Variants in CAMKMT observed in about 807,000 individuals in gnomAD.
CAMKMT encodes the protein calmodulin-lysine N-methyltransferase.
Under a neutral mutation model 48.0 loss-of-function variants are expected in CAMKMT, and 53 were observed. That is an observed-to-expected ratio of 1.10 (90% CI 0.89 to 1.39). The LOEUF is 1.39. Ranked by LOEUF, CAMKMT falls within the 40% of genes most tolerant of loss-of-function variation. The pLI is 0.00. For synonymous variants in CAMKMT, 165 were observed against 152.3 expected (o/e 1.08, Z -0.61); for missense variants, 428 against 402.7 (o/e 1.06, Z -0.54).
chr2:44,649,098 A>T (rs6710978), intron 3 of CAMKMT, among the ~76,000 whole-genome samples: 94,515 of 151,940 alleles, frequency 0.62, 30,000 homozygotes, highest in Admixed American at 0.7. Context: ...CTAAATCATG[A>T]TATAAGTGAG....
At position 44,390,228 on chromosome 2, in the gene CAMKMT, T is replaced by C; in HGVS notation, c.312-13T>C. ...TTCAGAATCATTAAAGCAAACGCTT[T>C]ACTCCTTTCTAGGCATAATAGTGGA... is the stretch of plus-strand genomic sequence containing the variant. On this transcript the variant is annotated splice_polypyrimidine_tract_variant and intron_variant, in intron 2 of 10. Coordinates refer to ENST00000378494, the MANE Select transcript of CAMKMT (RefSeq NM_024766.5). 1 of 1,597,024 alleles carries C rather than the reference T, an allele frequency of 6.3e-7. No individual in the cohort carries two copies. The highest frequency in any genetic ancestry group is 1.1e-5 in the South Asian group (1 of 87,948).
rs148411875 is a variant in CAMKMT, at chr2:44,565,661, G to A, written c.377-138622G>A. On this transcript the variant is annotated intron_variant, in intron 3 of 10. Transcript: ENST00000378494. Reference sequence around the variant, plus strand: ...ATGCCTGGATCCTACTCAGAGAATCGGATCTAAGTAACCTGGAGAGTGGTC... The same window carrying A: ...ATGCCTGGATCCTACTCAGAGAATCAGATCTAAGTAACCTGGAGAGTGGTC... Among the ~76,000 whole-genome samples, 23 of 151,668 alleles carry A rather than the reference G, an allele frequency of 1.5e-4. No homozygotes were observed. In the East Asian group the frequency reaches 4.1e-3, roughly 27 times the overall value.
intron 3 of CAMKMT, among the ~76,000 whole-genome samples, chr2:44,417,474 G>T (rs1021270906): frequency 1.2e-4 from 18 of 152,272 alleles, no homozygotes; most frequent in African/African-American, 4.1e-4. Flanking sequence ...CATTCAGGTT[G>T]TTTCCGGTTT....
At chr2:44,524,852 A>G (rs950734508) in intron 3 of CAMKMT, among the ~76,000 whole-genome samples, 3 of 152,148 alleles carry the variant, frequency 2.0e-5, no homozygotes, top group South Asian at 2.1e-4. Flanking sequence ...GAATGGTTAA[A>G]TCATTGAATG....
chr2:44,586,330 T>C (rs952040154), intron 3 of CAMKMT, among the ~76,000 whole-genome samples: 1 of 151,988 alleles, frequency 6.6e-6, no homozygotes, highest in African/African-American at 2.4e-5. Flanking sequence ...TGTATATATA[T>C]ATATATGTTA....
chr2:44,401,011 T>C (rs973447807), intron 3 of CAMKMT: 1 of 150,468 alleles, frequency 6.6e-6, no homozygotes, highest in African/African-American at 2.4e-5. Context: ...GGTTCTTGTT[T>C]ATTTATAGAT....
intron 3 of CAMKMT, among the ~76,000 whole-genome samples, chr2:44,666,060 C>T (rs1674949199): frequency 6.6e-6 from 1 of 152,154 alleles, no homozygotes; most frequent in African/African-American, 2.4e-5. Context: ...AAATCGTTTG[C>T]ATTGAAACTT....
intron 3 of CAMKMT, among the ~76,000 whole-genome samples, chr2:44,399,049 G>C (rs1682117227): frequency 6.6e-6 from 1 of 152,282 alleles, no homozygotes; most frequent in East Asian, 1.9e-4. Context: ...GTATGAGATT[G>C]AAAAGGCGCA....
intron 3 of CAMKMT, among the ~76,000 whole-genome samples, chr2:44,399,188 T>C (rs1682132204): frequency 6.6e-6 from 1 of 152,228 alleles, no homozygotes. Context: ...TCCAGGGTTT[T>C]GAAGATCAGA....
chr2:44,515,155 A>G (rs1670773095), intron 3 of CAMKMT, among the ~76,000 whole-genome samples: 2 of 152,174 alleles, frequency 1.3e-5, no homozygotes, highest in Admixed American at 6.5e-5. Flanking sequence ...TATTAGCTAC[A>G]GAGATTTTAC....
intron 3 of CAMKMT, among the ~76,000 whole-genome samples, chr2:44,504,620 C>A (rs944189308): frequency 1.1e-4 from 17 of 152,208 alleles, no homozygotes; most frequent in African/African-American, 4.1e-4. Context: ...TGCGTCCTTG[C>A]CAGCCTTTGG....
At chr2:44,412,518 G>C (rs997811723) in intron 3 of CAMKMT, among the ~76,000 whole-genome samples, 1 of 151,930 alleles carries the variant, frequency 6.6e-6, no homozygotes, top group Non-Finnish European at 1.5e-5. Flanking sequence ...TGTATTTTTA[G>C]TAGAGACAGC....
intron 3 of CAMKMT, among the ~76,000 whole-genome samples, chr2:44,460,352 A>G (rs989679926): frequency 6.6e-6 from 1 of 152,222 alleles, no homozygotes; most frequent in African/African-American, 2.4e-5. Flanking sequence ...AACTGTAGGC[A>G]CAGTTACATG....
At chr2:44,588,050 C>T (rs1247416167) in intron 3 of CAMKMT, among the ~76,000 whole-genome samples, 4 of 143,210 alleles carry the variant, frequency 2.8e-5, no homozygotes, top group African/African-American at 7.7e-5. Flanking sequence ...TCTTCCCCGC[C>T]GCCCATCGTC....
intron 3 of CAMKMT, among the ~76,000 whole-genome samples, chr2:44,453,995 A>T (rs1032769556): frequency 6.6e-6 from 1 of 152,222 alleles, no homozygotes; most frequent in South Asian, 2.1e-4. Context: ...ACAAAATACC[A>T]TTGAGAGAGA....
intron 3 of CAMKMT, among the ~76,000 whole-genome samples, chr2:44,510,760 C>A (rs189116401): frequency 1.3e-5 from 2 of 152,016 alleles, no homozygotes. Flanking sequence ...ATCACCTGAA[C>A]GGTATACACT....
intron 3 of CAMKMT, among the ~76,000 whole-genome samples, chr2:44,572,278 C>G (rs1668948957): frequency 6.6e-6 from 1 of 152,300 alleles, no homozygotes; most frequent in East Asian, 1.9e-4. Context: ...AACTCCTGGG[C>G]TCAAGCAATC....
At chr2:44,667,540 C>T (rs1675066528) in intron 3 of CAMKMT, among the ~76,000 whole-genome samples, 1 of 152,228 alleles carries the variant, frequency 6.6e-6, no homozygotes, top group Admixed American at 6.5e-5. Context: ...GGCTCACTAT[C>T]TTCCTCTTTG....
chr2:44,468,094 GC>G (rs891201633), intron 3 of CAMKMT, among the ~76,000 whole-genome samples: 1 of 152,154 alleles, frequency 6.6e-6, no homozygotes, highest in Non-Finnish European at 1.5e-5. Context: ...GACAATATTT[GC>G]AAACTATCCA....
Sources: gnomAD v4.1 joint callset for allele counts (sites outside exome capture counted in the v4.1 genomes callset) on GRCh38, gnomAD v4.1.1 for gene constraint, MANE v1.5 for transcripts, NCBI Gene and HGNC (gene_info 2026-07-23, HGNC 2026-07-21) for gene names.